Variants in PAM observed in about 807,000 individuals in gnomAD.
The protein encoded by PAM is peptidylglycine alpha-amidating monooxygenase, also known as peptidyl-glycine alpha-amidating monooxygenase.
A neutral mutation model predicts 122.1 loss-of-function variants in PAM; 72 were observed. The ratio of observed to expected loss-of-function variants is 0.59; its 90% confidence interval spans 0.49 to 0.72. The LOEUF is 0.72. Ranked by LOEUF, PAM falls within the 30% of genes least tolerant of loss-of-function variation. The probability of loss-of-function intolerance (pLI) is 0.00; values close to 1 mark genes in which losing one functional copy is unlikely to be tolerated. For missense variants in PAM, 1,106 were observed against 1,183.7 expected (o/e 0.93, Z 0.96); for synonymous variants, 389 against 404.4 (o/e 0.96, Z 0.46).
intron 1 of PAM, among the ~76,000 whole-genome samples, chr5:102,799,716 A>C (rs192239316): frequency 1.3e-5 from 2 of 152,188 alleles, no homozygotes; most frequent in Non-Finnish European, 2.9e-5. Flanking sequence ...AGGCTCCTAC[A>C]TGGCCTCAGA....
intron 4 of PAM, among the ~76,000 whole-genome samples, chr5:102,902,747 A>G (rs1335490461): frequency 6.6e-6 from 1 of 151,408 alleles, no homozygotes; most frequent in Non-Finnish European, 1.5e-5. Flanking sequence ...TATATTTTCT[A>G]TGTCCAAGTT....
chr5:102,847,725 A>G (rs1580881653), intron 1 of PAM, among the ~76,000 whole-genome samples: 2 of 152,254 alleles, frequency 1.3e-5, no homozygotes. Flanking sequence ...AGTACTTCAG[A>G]TGATAAGGGG....
intron 14 of PAM, among the ~76,000 whole-genome samples, chr5:102,965,885 C>T (rs1332778920): frequency 6.6e-6 from 1 of 152,008 alleles, no homozygotes; most frequent in Non-Finnish European, 1.5e-5. Context: ...ATCAAGGGAA[C>T]AAGGTTGCCA....
intron 14 of PAM, among the ~76,000 whole-genome samples, chr5:102,973,067 T>G (rs542863118): frequency 6.6e-6 from 1 of 152,364 alleles, no homozygotes; most frequent in East Asian, 1.9e-4. Flanking sequence ...AGAGATTTTA[T>G]AAATGTTTTC....
At chr5:102,835,132 A>G (rs1450323576) in intron 1 of PAM, among the ~76,000 whole-genome samples, 1 of 152,136 alleles carries the variant, frequency 6.6e-6, no homozygotes, top group East Asian at 1.9e-4. Flanking sequence ...TCTTGCATGT[A>G]TATAGCATTT....
intron 1 of PAM, among the ~76,000 whole-genome samples, chr5:102,772,083 T>TG (rs1755947547): frequency 6.6e-6 from 1 of 152,144 alleles, no homozygotes; most frequent in Non-Finnish European, 1.5e-5. Context: ...AAAAACGCTC[T>TG]GAGTGCCTCA....
At chr5:102,999,289 CAT>C (rs1390146732) in intron 16 of PAM, among the ~76,000 whole-genome samples, 1 of 152,228 alleles carries the variant, frequency 6.6e-6, no homozygotes, top group Non-Finnish European at 1.5e-5. Context: ...GCATGTCTCA[CAT>C]CCAGGTCACA....
intron 15 of PAM, among the ~76,000 whole-genome samples, chr5:102,976,973 C>G (rs1469971439): frequency 6.6e-6 from 1 of 152,174 alleles, no homozygotes; most frequent in Non-Finnish European, 1.5e-5. Flanking sequence ...ATGGAGATTT[C>G]TATTCAGAAC....
At chr5:102,804,335 G>A (rs998191747) in intron 1 of PAM, among the ~76,000 whole-genome samples, 48 of 152,072 alleles carry the variant, frequency 3.2e-4, no homozygotes, top group African/African-American at 1.0e-3. Flanking sequence ...TTATTAAAGG[G>A]GCGAGACACT....
At chr5:102,888,971 A>G (rs1315056950) in intron 3 of PAM, among the ~76,000 whole-genome samples, 1 of 151,976 alleles carries the variant, frequency 6.6e-6, no homozygotes, top group Non-Finnish European at 1.5e-5. Flanking sequence ...TTAGGACTTT[A>G]AGAACATGTT....
intron 1 of PAM, among the ~76,000 whole-genome samples, chr5:102,758,415 G>T (rs1751288151): frequency 6.6e-6 from 1 of 152,124 alleles, no homozygotes; most frequent in Non-Finnish European, 1.5e-5. Flanking sequence ...TGAGATTAAA[G>T]ATCCTTCTTA....
chr5:103,015,607 T>G (rs1781742441), intron 21 of PAM, among the ~76,000 whole-genome samples: 1 of 152,150 alleles, frequency 6.6e-6, no homozygotes, highest in East Asian at 1.9e-4. Flanking sequence ...ACAACTGAGT[T>G]CTTCTGACTG....
chr5:102,976,761 C>G (rs1330637588), intron 15 of PAM, among the ~76,000 whole-genome samples: 1 of 152,144 alleles, frequency 6.6e-6, no homozygotes, highest in African/African-American at 2.4e-5. Flanking sequence ...TGTTAATTTT[C>G]AAATAAAGAA....
chr5:102,854,103 C>T (rs1561638619), intron 1 of PAM, among the ~76,000 whole-genome samples: 1 of 152,202 alleles, frequency 6.6e-6, no homozygotes, highest in Non-Finnish European at 1.5e-5. Flanking sequence ...CGTTCCTTGA[C>T]TTCTGTGCCT....
chr5:102,791,762 G>T (rs776572989), intron 1 of PAM, among the ~76,000 whole-genome samples: 1 of 152,018 alleles, frequency 6.6e-6, no homozygotes, highest in African/African-American at 2.4e-5. Context: ...TTTCAACCCT[G>T]GGTTGAAATC....
chr5:102,771,536 C>T (rs946847483), intron 1 of PAM, among the ~76,000 whole-genome samples: 7 of 152,214 alleles, frequency 4.6e-5, no homozygotes, highest in African/African-American at 1.4e-4. Context: ...GTACAACAAC[C>T]TTGGTGAAGA....
chr5:102,775,882 C>CAGCAGCAATACAAATGT (rs778337957), intron 1 of PAM, among the ~76,000 whole-genome samples: 164 of 152,150 alleles, frequency 1.1e-3, no homozygotes, highest in Non-Finnish European at 1.9e-3. Flanking sequence ...GGACAAATGG[C>CAGCAGCAATACAAATGT]ATTTCTGGTA....
chr5:102,818,173 A>G (rs1770563922), intron 1 of PAM, among the ~76,000 whole-genome samples: 2 of 137,246 alleles, frequency 1.5e-5, no homozygotes, highest in Non-Finnish European at 3.1e-5. Flanking sequence ...TTTTCTTATT[A>G]ATTACATTTA....
intron 13 of PAM, among the ~76,000 whole-genome samples, 199 bp from the exon 14 acceptor site, chr5:102,960,959 T>A (rs769850858): frequency 2.5e-5 from 3 of 120,988 alleles, no homozygotes; most frequent in Non-Finnish European, 3.3e-5. Flanking sequence ...TCAGATGTCT[T>A]GTAATTGGTA....
Sources: allele counts gnomAD v4.1 joint callset (sites outside exome capture counted in the v4.1 genomes callset), GRCh38; gene constraint gnomAD v4.1.1; transcripts MANE v1.5; gene names NCBI Gene and HGNC (gene_info 2026-07-23, HGNC 2026-07-21).